The following HOXA3 variants were observed in gnomAD, a reference collection of about 807,000 sequenced individuals.
HOXA3 encodes homeobox protein Hox-A3.
Under a neutral mutation model 30.3 loss-of-function variants are expected in HOXA3, and 8 were observed. That is an observed-to-expected ratio of 0.26 (90% CI 0.15 to 0.48). HOXA3 has a LOEUF of 0.48. HOXA3 is among the 20% of genes least tolerant of loss of function. The pLI is 0.99. For missense variants in HOXA3, 653 were observed against 614.4 expected (o/e 1.06, Z -0.66); for synonymous variants, 323 against 273.1 (o/e 1.18, Z -1.80).
intron 1 of HOXA3, chr7:27,143,283 A>G: frequency 6.2e-7 from 1 of 1,603,932 alleles, no homozygotes; most frequent in Middle Eastern, 1.7e-4. Flanking sequence ...CTGCCGGGCG[A>G]GGGGGCCACG....
At chr7:27,147,198 C>G in intron 1 of HOXA3, 3 of 1,127,608 alleles carry the variant, frequency 2.7e-6, no homozygotes, top group African/African-American at 1.6e-5. Context: ...TTTGCTGGTT[C>G]TTTCATCCTT....
chr7:27,122,905 C>CT (rs3217356), intron 3 of HOXA3: 52,260 of 141,768 alleles, frequency 0.37, 10,769 homozygotes, highest in Middle Eastern at 0.5. Flanking sequence ...CTTTTTCTTT[C>CT]TTTTTTTTGG....
At chr7:27,120,507 C>G (rs1307815042) in intron 4 of HOXA3, among the ~76,000 whole-genome samples, 1 of 143,768 alleles carries the variant, frequency 7.0e-6, no homozygotes, top group Non-Finnish European at 1.5e-5. Flanking sequence ...TACCACTGCA[C>G]TCCAGCCTGG....
intron 2 of HOXA3, chr7:27,129,413 C>T: frequency 3.1e-6 from 5 of 1,614,170 alleles, no homozygotes; most frequent in Non-Finnish European, 4.2e-6. Flanking sequence ...CAGATCTTGA[C>T]CTGGCGCTCA....
At chr7:27,122,992 G>C (rs986376157) in intron 3 of HOXA3, 1 of 152,200 alleles carries the variant, frequency 6.6e-6, no homozygotes, top group Non-Finnish European at 1.5e-5. Flanking sequence ...CTGGTGGTGT[G>C]GGCTGCTTTC....
intron 3 of HOXA3, among the ~76,000 whole-genome samples, chr7:27,125,799 G>A (rs532911979): frequency 2.0e-5 from 3 of 152,304 alleles, no homozygotes; most frequent in African/African-American, 2.4e-5. Context: ...TCATTCTAAA[G>A]AGTCATTGAT....
chr7:27,143,449 A>G, intron 1 of HOXA3: 4 of 1,613,612 alleles, frequency 2.5e-6, no homozygotes, highest in Non-Finnish European at 2.5e-6. Flanking sequence ...CGACGCTGAG[A>G]TCCATGCCAT....
chr7:27,127,272 T>C (rs755799562), intron 2 of HOXA3, among the ~76,000 whole-genome samples: 2 of 152,220 alleles, frequency 1.3e-5, no homozygotes, highest in Non-Finnish European at 2.9e-5. Flanking sequence ...GCCAGGTTTA[T>C]CCTGATTTGG....
In HOXA3 at chr7:27,142,383, C is replaced by T. The variant is rs187390446; in HGVS notation, c.-493-2197G>A. 2.6e-5 allele frequency among the ~76,000 whole-genome samples: 4 copies of T among 152,298 alleles called. No individual in the cohort carries two copies. In the East Asian group the frequency reaches 7.8e-4, roughly 30 times the overall value. ...TGCCCCGGGCGCCCCGATCGGGAGG[C>T]ACAGCCCTCCCAGGCTGCCCACCGC... On this transcript the variant is annotated intron_variant, in intron 1 of 5. Transcript: ENST00000612286.
At chr7:27,126,418 T>A (rs1022627574) in intron 3 of HOXA3, among the ~76,000 whole-genome samples, 11 of 151,142 alleles carry the variant, frequency 7.3e-5, no homozygotes, top group Non-Finnish European at 1.3e-4. Flanking sequence ...AGGTCAAGGA[T>A]TTGAGGGGCC....
In HOXA3 at chr7:27,118,318, T is replaced by C. The variant is rs2128046923; in HGVS notation, c.-121+4241A>G. Among the ~76,000 whole-genome samples, 2 of 152,236 alleles carry C rather than the reference T, an allele frequency of 1.3e-5. 1 individual carries two copies. Among genetic ancestry groups the C allele is most frequent in the East Asian group, 3.9e-4 (2 of 5,152 alleles). On this transcript the variant is annotated intron_variant, in intron 4 of 5. Transcript: ENST00000612286. Reference sequence around the variant, plus strand: ...GGGTTGGGGGAAAGCTCTGGCTCTGTAGAGAATCTAGAAAACGTAATCACA... The same window carrying C: ...GGGTTGGGGGAAAGCTCTGGCTCTGCAGAGAATCTAGAAAACGTAATCACA...
At chr7:27,145,424 C>T (rs968743630) in intron 1 of HOXA3, 3 of 631,002 alleles carry the variant, frequency 4.8e-6, no homozygotes, top group Non-Finnish European at 8.1e-6. Context: ...CCCGCTCCAC[C>T]GCTGGTATTG....
intron 2 of HOXA3, chr7:27,130,016 C>G: frequency 7.4e-7 from 1 of 1,351,798 alleles, no homozygotes; most frequent in Non-Finnish European, 1.0e-6. Flanking sequence ...GGGCTCCCCT[C>G]CCGAGGCCCC....
chr7:27,108,106 C>G lies in HOXA3; in HGVS notation c.1141G>C (p.Ala381Pro). 5 of 1,610,350 alleles carry G rather than the reference C, an allele frequency of 3.1e-6. No individual in the cohort carries two copies. The highest frequency in any genetic ancestry group is 4.2e-6 in the Non-Finnish European group (5 of 1,177,490). ...YVEPMSNSGP[A>P]LFGLTHLPHA... ...GGGAGGTGAGTTAGACCAAAGAGGG[C>G]TGGCCCGGAGTTGCTCATGGGCTCC... Residue 381 changes from alanine to proline, a missense_variant, in exon 6 of 6, where the codon GCC (alanine) becomes CCC (proline). This residue lies in a region of HOXA3 where 330 missense variants were observed against 274.4 expected (regional missense o/e 1.20). Coordinates refer to ENST00000612286, the MANE Select transcript of HOXA3 (RefSeq NM_153631.3). The surrounding 1 kb of genome is among the most constrained non-coding windows in gnomAD (Gnocchi z 5.0).
At chr7:27,142,092 T>A (rs767570828) in intron 1 of HOXA3, 14 of 1,611,054 alleles carry the variant, frequency 8.7e-6, no homozygotes. Context: ...TTGTCTGCAA[T>A]AGAAAAGTCA....
At chr7:27,145,390 C>T (rs1308879423) in intron 1 of HOXA3, 19 of 499,230 alleles carry the variant, frequency 3.8e-5, no homozygotes, top group Non-Finnish European at 6.7e-5. Context: ...CCTTGTGGAG[C>T]GGGACTGGGT....
At chr7:27,139,340 C>CG (rs1554340101) in intron 2 of HOXA3, among the ~76,000 whole-genome samples, 5 of 152,168 alleles carry the variant, frequency 3.3e-5, no homozygotes, top group Admixed American at 3.3e-4. Flanking sequence ...AACACCCCCC[C>CG]ACACCAGGGT....
intron 4 of HOXA3, among the ~76,000 whole-genome samples, 178 bp from the exon 5 acceptor site, chr7:27,110,938 C>T (rs1784338280): frequency 6.6e-6 from 1 of 152,162 alleles, no homozygotes; most frequent in African/African-American, 2.4e-5. Context: ...CTGGCAGCTA[C>T]AAATATTTGC....
intron 2 of HOXA3, chr7:27,134,363 G>A (rs555280621): frequency 2.0e-5 from 3 of 152,250 alleles, no homozygotes; most frequent in East Asian, 3.9e-4. Context: ...TGTTTGAGAG[G>A]CCTGAGGTTC....
Sources: allele counts gnomAD v4.1 joint callset (sites outside exome capture counted in the v4.1 genomes callset), GRCh38; gene constraint gnomAD v4.1.1; regional missense constraint gnomAD v4.1.1; non-coding constraint Gnocchi (gnomAD v3.1); transcripts MANE v1.5; gene names NCBI Gene and HGNC (gene_info 2026-07-23, HGNC 2026-07-21).